RALGPS2: variants seen among roughly 807,000 people sequenced by gnomAD.
RALGPS2 encodes ras-specific guanine nucleotide-releasing factor RalGPS2.
Under a neutral mutation model 86.8 loss-of-function variants are expected in RALGPS2, and 43 were observed. The observed-to-expected ratio is 0.50, with a 90% CI of 0.39 to 0.64. RALGPS2 has a LOEUF of 0.64. Ranked by LOEUF, RALGPS2 falls within the 30% of genes least tolerant of loss-of-function variation. The pLI is 0.00. For synonymous variants in RALGPS2, 243 were observed against 231.3 expected, an observed-to-expected ratio of 1.05 and a Z score of -0.46; for missense variants, 536 against 694.6, an observed-to-expected ratio of 0.77 and a Z score of 2.57.
At chr1:178,816,671 C>T (rs1466402325) in intron 6 of RALGPS2, among the ~76,000 whole-genome samples, 1 of 148,768 alleles carries the variant, frequency 6.7e-6, no homozygotes, top group East Asian at 2.0e-4. Context: ...AAGACATTTT[C>T]CTTTGATCAC....
At chr1:178,879,646 G>A (rs1659150820) in intron 10 of RALGPS2, 1 of 152,138 alleles carries the variant, frequency 6.6e-6, no homozygotes, top group Non-Finnish European at 1.5e-5. Flanking sequence ...TACAGAATTA[G>A]CCGGGCATGG....
intron 1 of RALGPS2, among the ~76,000 whole-genome samples, chr1:178,765,321 G>C (rs889343376): frequency 6.6e-6 from 1 of 152,116 alleles, no homozygotes; most frequent in East Asian, 1.9e-4. Flanking sequence ...ACAGAAGAGA[G>C]AAATTTTAAA....
chr1:178,726,039 CGCGGGCCGGGTGT>C (rs1649977899), intron 1 of RALGPS2: 2 of 152,182 alleles, frequency 1.3e-5, no homozygotes, highest in South Asian at 4.1e-4. Context: ...GGGCCGGGCG[CGCGGGCCGGGTGT>C]GGGGCAGGGG....
chr1:178,901,179 A>G (rs1003867193), intron 17 of RALGPS2, among the ~76,000 whole-genome samples: 1 of 152,046 alleles, frequency 6.6e-6, no homozygotes, highest in African/African-American at 2.4e-5. Context: ...TAGGTAGTGT[A>G]CATGTACATT....
At position 178,918,633 on chromosome 1, in the gene RALGPS2, C is replaced by G. The variant is rs1395180705; in HGVS notation, c.*2274C>G. The G allele has an allele frequency of 6.6e-6, 1 of 151,392 alleles. No homozygotes were observed. Among genetic ancestry groups the G allele is most frequent in the African/African-American group, 2.5e-5 (1 of 40,734 alleles). 9.4% of individuals were successfully genotyped at this position (151,392 alleles called of 1,614,324 possible). ...TTATAGATAGACTTGTGGCCTCTGA[C>G]TGACTAAATTTCTTAACAGCACAGA... On this transcript the variant is annotated 3_prime_UTR_variant, in exon 20 of 20. Coordinates refer to ENST00000367635, the MANE Select transcript of RALGPS2 (RefSeq NM_152663.5).
chr1:178,912,897 TTGTCTC>T (rs1283181199), intron 19 of RALGPS2, among the ~76,000 whole-genome samples: 1 of 152,186 alleles, frequency 6.6e-6, no homozygotes, highest in Non-Finnish European at 1.5e-5. Flanking sequence ...TCTTTAATGT[TTGTCTC>T]TGTTAATTTG....
intron 4 of RALGPS2, among the ~76,000 whole-genome samples, chr1:178,786,485 A>G (rs1164360960): frequency 6.6e-6 from 1 of 152,026 alleles, no homozygotes; most frequent in Admixed American, 6.6e-5. Flanking sequence ...GACTGGCGTT[A>G]TGCATCTATC....
intron 1 of RALGPS2, among the ~76,000 whole-genome samples, chr1:178,770,507 CTTT>C (rs747336558): frequency 7.3e-6 from 1 of 136,204 alleles, no homozygotes; most frequent in African/African-American, 2.7e-5. Flanking sequence ...ATACTTCATA[CTTT>C]TTTTTTTTTT....
intron 8 of RALGPS2, among the ~76,000 whole-genome samples, chr1:178,873,496 C>T (rs1358668287): frequency 6.6e-6 from 1 of 152,072 alleles, no homozygotes; most frequent in Non-Finnish European, 1.5e-5. Flanking sequence ...GCTTATATAC[C>T]GTGAGTGGGA....
intron 1 of RALGPS2, among the ~76,000 whole-genome samples, chr1:178,729,938 A>T (rs1650241374): frequency 6.6e-6 from 1 of 151,974 alleles, no homozygotes; most frequent in Admixed American, 6.6e-5. Context: ...TTTCAGTTTT[A>T]TTATTTATTT....
At chr1:178,875,746 G>GA (rs558495006) in intron 8 of RALGPS2, among the ~76,000 whole-genome samples, 1,921 of 148,404 alleles carry the variant, frequency 0.013, 17 homozygotes, top group South Asian at 0.029. Flanking sequence ...ACTCTTTCTT[G>GA]AAAAAAAAAA....
At chr1:178,821,846 A>ATACC in intron 7 of RALGPS2, 142 bp downstream of exon 7, 1 of 706,902 alleles carries the variant, frequency 1.4e-6, no homozygotes, top group Non-Finnish European at 2.3e-6. Flanking sequence ...CTATTCTTTG[A>ATACC]TACCTACATT....
At chr1:178,821,871 A>G (rs1655523538) in intron 7 of RALGPS2, among the ~76,000 whole-genome samples, 167 bp downstream of exon 7, 1 of 152,076 alleles carries the variant, frequency 6.6e-6, no homozygotes, top group Admixed American at 6.5e-5. Flanking sequence ...CTCCTTAAGC[A>G]GTGCACTGGG....
rs183957608 is a variant in RALGPS2 at position 178,776,810 on chromosome 1, A to G, written c.46A>G (p.Thr16Ala). The G allele has an allele frequency of 4.3e-6, 7 of 1,612,776 alleles. No homozygotes were observed. The highest frequency in any genetic ancestry group is 1.7e-5 in the Admixed American group (1 of 59,910). ...GGCAAGCAGTGTCAATATTGCAGCTACTGCTTCTGAGGTAAGATATTTAAG... is the reference window on the plus strand; with the variant it reads ...GGCAAGCAGTGTCAATATTGCAGCTGCTGCTTCTGAGGTAAGATATTTAAG... ...GQASSVNIAA[T>A]ASEKSSSSES... Residue 16 changes from threonine to alanine, a missense_variant, in exon 2 of 20, where the codon ACT becomes GCT. Physicochemically the swap from Thr to Ala is moderately conservative, Grantham distance 58. Coordinates refer to ENST00000367635, the MANE Select transcript of RALGPS2 (RefSeq NM_152663.5).
At chr1:178,802,198 A>G (rs1227568836) in intron 4 of RALGPS2, among the ~76,000 whole-genome samples, 1 of 151,184 alleles carries the variant, frequency 6.6e-6, no homozygotes, top group Non-Finnish European at 1.5e-5. Flanking sequence ...TATATATTAT[A>G]TAATATATTC....
intron 6 of RALGPS2, among the ~76,000 whole-genome samples, chr1:178,815,727 A>G (rs1655194774): frequency 6.6e-6 from 1 of 152,164 alleles, no homozygotes; most frequent in Admixed American, 6.5e-5. Flanking sequence ...TCATGTTGCA[A>G]CAAAGTTCCT....
At chr1:178,793,662 A>G (rs887028317) in intron 4 of RALGPS2, among the ~76,000 whole-genome samples, 16 of 152,096 alleles carry the variant, frequency 1.1e-4, no homozygotes. Flanking sequence ...TGTTCCATTC[A>G]CTGGTATCTC....
intron 2 of RALGPS2, among the ~76,000 whole-genome samples, chr1:178,777,815 G>C (rs1342887010): frequency 6.6e-6 from 1 of 150,942 alleles, no homozygotes; most frequent in Non-Finnish European, 1.5e-5. Flanking sequence ...TTTAATAAAT[G>C]GTGCTGGGAA....
intron 1 of RALGPS2, chr1:178,746,940 G>C: frequency 1.9e-6 from 2 of 1,038,810 alleles, no homozygotes; most frequent in South Asian, 2.5e-5. Context: ...TTTGGTGAAT[G>C]ATCAAAAGCA....
Sources: allele counts gnomAD v4.1 joint callset (sites outside exome capture counted in the v4.1 genomes callset), GRCh38; gene constraint gnomAD v4.1.1; transcripts MANE v1.5; gene names NCBI Gene and HGNC (gene_info 2026-07-23, HGNC 2026-07-21).